The following DHCR24 variants were observed in gnomAD, a reference collection of about 807,000 sequenced individuals.
The protein encoded by DHCR24 is delta(24)-sterol reductase.
A neutral mutation model predicts 61.2 loss-of-function variants in DHCR24; 28 were observed. The observed-to-expected ratio is 0.46, with a 90% CI of 0.34 to 0.63. The LOEUF (loss-of-function observed/expected upper bound fraction) is 0.63. DHCR24 is among the 20% of genes least tolerant of loss of function. The pLI is 0.01. For synonymous variants in DHCR24, 261 were observed against 275.9 expected (o/e 0.95, Z 0.54); for missense variants, 538 against 679.1 (o/e 0.79, Z 2.31).
At chr1:54,852,660 G>A (rs1053251854) in intron 8 of DHCR24, among the ~76,000 whole-genome samples, 1 of 152,098 alleles carries the variant, frequency 6.6e-6, no homozygotes, top group Non-Finnish European at 1.5e-5. Context: ...CTTGGCCAGA[G>A]GCACAGCTGC....
At chr1:54,871,255 G>T in intron 5 of DHCR24, 95 bp downstream of exon 5, 1 of 1,515,314 alleles carries the variant, frequency 6.6e-7, no homozygotes, top group Non-Finnish European at 9.0e-7. Flanking sequence ...GCCTTGAAGA[G>T]GTGGCTGCCA....
At chr1:54,877,292 T>A (rs1414073425) in intron 2 of DHCR24, among the ~76,000 whole-genome samples, 1 of 151,854 alleles carries the variant, frequency 6.6e-6, no homozygotes, top group Non-Finnish European at 1.5e-5. Context: ...AATTTAACAC[T>A]ATACTATGAC....
chr1:54,882,712 A>C (rs188276689), intron 2 of DHCR24, among the ~76,000 whole-genome samples: 22 of 152,370 alleles, frequency 1.4e-4, no homozygotes, highest in African/African-American at 5.3e-4. Context: ...TGAATCTCCA[A>C]ATAAAGATGT....
chr1:54,868,426 C>A (rs1405030100), intron 5 of DHCR24, among the ~76,000 whole-genome samples: 1 of 151,542 alleles, frequency 6.6e-6, no homozygotes, highest in Non-Finnish European at 1.5e-5. Flanking sequence ...GCCGAGATCC[C>A]GCCACTGCAC....
chr1:54,865,500 CG>C (rs1646963641), intron 5 of DHCR24, 54 bp from the exon 6 acceptor site: 1 of 1,610,652 alleles, frequency 6.2e-7, no homozygotes, highest in Non-Finnish European at 8.5e-7. Context: ...CCAGCACCAT[CG>C]GGGTGTAACA....
chr1:54,883,546 C>A lies in DHCR24; in HGVS notation c.387+72G>T, dbSNP rs907614031. The stretch of plus-strand genomic sequence containing the variant: ...CTGCAATGCCCTTGGCTAAAATCAT[C>A]TCCCTATGAGTCACTTGCACCAGGG... On this transcript the variant is annotated intron_variant, in intron 2 of 8. Transcript: ENST00000371269. This position sits in a 1 kb window ranked among gnomAD's most constrained non-coding sequence, Gnocchi z 4.3. The A allele has an allele frequency of 8.2e-6, 13 of 1,589,642 alleles. No homozygotes were observed. The African/African-American group carries it at 1.5e-4, about 18-fold the overall frequency.
chr1:54,871,752 CTG>C (rs1647001178), intron 4 of DHCR24, 139 bp from the exon 5 acceptor site: 3 of 1,247,976 alleles, frequency 2.4e-6, no homozygotes, highest in Non-Finnish European at 3.4e-6. Context: ...GCTTTACAAA[CTG>C]TGCTTGCTGG....
At chr1:54,881,305 A>AC (rs1445347134) in intron 2 of DHCR24, among the ~76,000 whole-genome samples, 2 of 152,144 alleles carry the variant, frequency 1.3e-5, no homozygotes, top group East Asian at 1.9e-4. Flanking sequence ...GAACAAAACA[A>AC]CCCCCATTAA....
intron 5 of DHCR24, among the ~76,000 whole-genome samples, chr1:54,867,518 G>A (rs1646973948): frequency 6.6e-6 from 1 of 151,964 alleles, no homozygotes; most frequent in South Asian, 2.1e-4. Context: ...TGGGAAATAA[G>A]GGAATCAGAT....
At chr1:54,874,772 T>C (rs1255082745) in intron 4 of DHCR24, among the ~76,000 whole-genome samples, 2 of 152,114 alleles carry the variant, frequency 1.3e-5, no homozygotes, top group Non-Finnish European at 2.9e-5. Flanking sequence ...CTATGGCAAA[T>C]AATCTCTCTG....
intron 6 of DHCR24, among the ~76,000 whole-genome samples, chr1:54,855,765 G>A (rs971836352): frequency 1.3e-5 from 2 of 152,230 alleles, no homozygotes; most frequent in Non-Finnish European, 2.9e-5. Flanking sequence ...TGTCTGGCAT[G>A]CAACAGGATC....
At chr1:54,877,182 T>C (rs572001701) in intron 2 of DHCR24, among the ~76,000 whole-genome samples, 19 of 152,008 alleles carry the variant, frequency 1.2e-4, no homozygotes, top group African/African-American at 2.7e-4. Context: ...AGTTTAGTAA[T>C]TTGGGGGCCC....
chr1:54,871,216 G>T, intron 5 of DHCR24, 134 bp downstream of exon 5: 1 of 975,524 alleles, frequency 1.0e-6, no homozygotes. Context: ...CCTGTTGCCT[G>T]TACCCCAGGT....
At chr1:54,882,973 A>G (rs541921195) in intron 2 of DHCR24, among the ~76,000 whole-genome samples, 1 of 152,220 alleles carries the variant, frequency 6.6e-6, no homozygotes, top group South Asian at 2.1e-4. Flanking sequence ...ATACGTCAAT[A>G]AAGCTATTAA....
At chr1:54,863,283 C>T (rs1349279881) in intron 6 of DHCR24, among the ~76,000 whole-genome samples, 1 of 152,174 alleles carries the variant, frequency 6.6e-6, no homozygotes, top group African/African-American at 2.4e-5. Context: ...TCCCCATCCA[C>T]TCTATCCAGC....
intron 6 of DHCR24, among the ~76,000 whole-genome samples, chr1:54,855,069 A>C (rs1646899240): frequency 6.6e-6 from 1 of 152,046 alleles, no homozygotes; most frequent in Admixed American, 6.6e-5. Flanking sequence ...CAGCTCTGGG[A>C]GCCCTTGAAG....
intron 1 of DHCR24, among the ~76,000 whole-genome samples, chr1:54,885,380 G>T (rs1300595009): frequency 2.0e-5 from 3 of 152,140 alleles, no homozygotes; most frequent in Non-Finnish European, 4.4e-5. Flanking sequence ...GGGCAACTAG[G>T]TCAGACAGCT....
At chr1:54,870,354 T>C (rs1364190605) in intron 5 of DHCR24, among the ~76,000 whole-genome samples, 2 of 152,224 alleles carry the variant, frequency 1.3e-5, no homozygotes, top group African/African-American at 2.4e-5. Context: ...TATTTCAGCA[T>C]TGTTACATTA....
intron 6 of DHCR24, among the ~76,000 whole-genome samples, chr1:54,857,503 T>G (rs1646913826): frequency 6.6e-6 from 1 of 152,242 alleles, no homozygotes; most frequent in African/African-American, 2.4e-5. Flanking sequence ...CTCCTTTTCT[T>G]TCAGTCCTTC....
Sources: gnomAD v4.1 joint callset for allele counts (sites outside exome capture counted in the v4.1 genomes callset) on GRCh38, gnomAD v4.1.1 for gene constraint, Gnocchi (gnomAD v3.1) non-coding constraint, MANE v1.5 for transcripts, NCBI Gene and HGNC (gene_info 2026-07-23, HGNC 2026-07-21) for gene names.